The following SCLT1 variants were observed in gnomAD, a reference collection of about 807,000 sequenced individuals.
SCLT1 encodes the protein sodium channel-associated protein 1.
A neutral mutation model predicts 112.8 loss-of-function variants in SCLT1; 78 were observed. The observed-to-expected ratio is 0.69, with a 90% CI of 0.58 to 0.83. SCLT1 has a LOEUF of 0.83. Among genes scored for constraint, SCLT1 ranks in the 40% least tolerant of loss-of-function variants. SCLT1 has a pLI of 0.00. For synonymous variants in SCLT1, 257 were observed against 254.7 expected (o/e 1.01, Z -0.09); for missense variants, 747 against 770.4 (o/e 0.97, Z 0.36).
In SCLT1 at chr4:129,076,712, G is replaced by T. The variant is rs116818320; in HGVS notation, c.102+5594C>A. On this transcript the variant is annotated intron_variant, in intron 2 of 20. Coordinates refer to ENST00000281142, the MANE Select transcript of SCLT1 (RefSeq NM_144643.4). ...AGAAAAAAAATGGAATAAAGGACTG[G>T]GAAAAAGGGAAATTTTCCACTAAGC... 7.9e-3 allele frequency among the ~76,000 whole-genome samples: 1,205 copies of T among 151,880 alleles called. 15 individuals are homozygous for T. The highest frequency in any genetic ancestry group is 0.028 in the African/African-American group (1,155 of 41,444).
At chr4:128,953,604 C>T (rs1346172482) in intron 13 of SCLT1, among the ~76,000 whole-genome samples, 1 of 151,752 alleles carries the variant, frequency 6.6e-6, no homozygotes, top group Non-Finnish European at 1.5e-5. Context: ...ACCATTCTGG[C>T]TAACACAGTG....
chr4:129,030,611 A>T (rs1746622479), intron 5 of SCLT1, among the ~76,000 whole-genome samples: 1 of 152,112 alleles, frequency 6.6e-6, no homozygotes, highest in African/African-American at 2.4e-5. Context: ...TAGACACAAT[A>T]AAAAATGATA....
At chr4:129,055,781 T>A (rs796727160) in intron 2 of SCLT1, among the ~76,000 whole-genome samples, 7 of 150,688 alleles carry the variant, frequency 4.6e-5, no homozygotes, top group African/African-American at 1.7e-4. Context: ...GGGGAGTGAG[T>A]AATTCTGTCT....
intron 9 of SCLT1, among the ~76,000 whole-genome samples, chr4:128,976,685 CATT>C (rs1741203209): frequency 6.6e-6 from 1 of 152,120 alleles, no homozygotes; most frequent in African/African-American, 2.4e-5. Context: ...TAAAATAAAA[CATT>C]ATGATTCTGA....
chr4:129,009,778 G>A (rs1370266543), intron 5 of SCLT1, among the ~76,000 whole-genome samples: 1 of 152,030 alleles, frequency 6.6e-6, no homozygotes, highest in Middle Eastern at 3.2e-3. Context: ...GTGTTCAAGT[G>A]CTTTGCCCAT....
chr4:128,953,829 A>C (rs1738989689), intron 13 of SCLT1, among the ~76,000 whole-genome samples: 1 of 151,158 alleles, frequency 6.6e-6, no homozygotes, highest in African/African-American at 2.4e-5. Context: ...CAAAAAAAAA[A>C]CTTTAAAGGT....
intron 9 of SCLT1, chr4:128,971,549 T>C (rs1391328679): frequency 6.6e-6 from 1 of 152,092 alleles, no homozygotes; most frequent in African/African-American, 2.4e-5. Context: ...CAAACTGAAG[T>C]AGAGGAGAGC....
chr4:129,080,418 T>G (rs1751836668), intron 2 of SCLT1, among the ~76,000 whole-genome samples: 1 of 152,150 alleles, frequency 6.6e-6, no homozygotes. Context: ...GAAAGTTTCC[T>G]GCCAAATACC....
chr4:128,927,705 A>T (rs970418062), intron 18 of SCLT1, among the ~76,000 whole-genome samples: 7 of 152,042 alleles, frequency 4.6e-5, no homozygotes, highest in African/African-American at 1.7e-4. Flanking sequence ...AATTTGAGCC[A>T]TGCTTCTATT....
chr4:129,013,574 G>T (rs752454558), intron 5 of SCLT1, among the ~76,000 whole-genome samples: 2 of 152,046 alleles, frequency 1.3e-5, no homozygotes, highest in Non-Finnish European at 1.5e-5. Context: ...ATGAAGTTTG[G>T]TTTGGCTGGA....
At chr4:128,918,905 C>G (rs1735670454) in intron 18 of SCLT1, among the ~76,000 whole-genome samples, 1 of 152,160 alleles carries the variant, frequency 6.6e-6, no homozygotes, top group Admixed American at 6.5e-5. Context: ...GCATCTAGCA[C>G]AGGAGCACCC....
At chr4:128,936,268 C>A (rs1376728070) in intron 18 of SCLT1, among the ~76,000 whole-genome samples, 1 of 152,080 alleles carries the variant, frequency 6.6e-6, no homozygotes, top group Non-Finnish European at 1.5e-5. Context: ...TGATCTCATT[C>A]CTATGTTGAA....
At chr4:128,905,400 C>T (rs1289721252) in intron 18 of SCLT1, among the ~76,000 whole-genome samples, 2 of 152,184 alleles carry the variant, frequency 1.3e-5, no homozygotes, top group African/African-American at 4.8e-5. Flanking sequence ...ACTCTAATAT[C>T]TGGTTTCTCT....
At chr4:128,995,907 A>G (rs1481327519) in intron 8 of SCLT1, among the ~76,000 whole-genome samples, 4 of 152,100 alleles carry the variant, frequency 2.6e-5, no homozygotes, top group Non-Finnish European at 5.9e-5. Context: ...TGCTGAGAAG[A>G]GCACAGGACC....
At chr4:129,080,463 A>C (rs1163814186) in intron 2 of SCLT1, among the ~76,000 whole-genome samples, 1 of 152,174 alleles carries the variant, frequency 6.6e-6, no homozygotes, top group Non-Finnish European at 1.5e-5. Flanking sequence ...AGTTCCACAG[A>C]TCCTTAGAGC....
At chr4:128,912,933 T>C (rs924118996) in intron 18 of SCLT1, among the ~76,000 whole-genome samples, 1 of 152,218 alleles carries the variant, frequency 6.6e-6, no homozygotes, top group East Asian at 1.9e-4. Flanking sequence ...AACTGCAATC[T>C]TGACTATTTA....
intron 5 of SCLT1, among the ~76,000 whole-genome samples, chr4:129,032,859 A>G (rs1177417693): frequency 6.6e-6 from 1 of 152,234 alleles, no homozygotes; most frequent in Non-Finnish European, 1.5e-5. Flanking sequence ...CTGTGGAGAA[A>G]TAGGAATGCT....
intron 18 of SCLT1, among the ~76,000 whole-genome samples, chr4:128,926,837 A>G (rs1211681469): frequency 6.6e-6 from 1 of 152,068 alleles, no homozygotes; most frequent in Non-Finnish European, 1.5e-5. Context: ...AATGGTGCTA[A>G]TATGTTTCAA....
At chr4:128,914,817 T>C (rs1327680746) in intron 18 of SCLT1, among the ~76,000 whole-genome samples, 1 of 152,142 alleles carries the variant, frequency 6.6e-6, no homozygotes, top group Non-Finnish European at 1.5e-5. Flanking sequence ...TTAGTTAAAA[T>C]CAATGCCAAA....
Sources: allele counts gnomAD v4.1 joint callset (sites outside exome capture counted in the v4.1 genomes callset), GRCh38; gene constraint gnomAD v4.1.1; transcripts MANE v1.5; gene names NCBI Gene and HGNC (gene_info 2026-07-23, HGNC 2026-07-21).